The following ZNF395 variants were observed in gnomAD, a reference collection of about 807,000 sequenced individuals.
ZNF395 encodes zinc finger protein 395.
A neutral mutation model predicts 57.7 loss-of-function variants in ZNF395; 20 were observed. That is an observed-to-expected ratio of 0.35 (90% confidence interval 0.24 to 0.50). ZNF395 has a LOEUF of 0.50. Ranked by LOEUF, ZNF395 falls within the 20% of genes least tolerant of loss-of-function variation. ZNF395 has a pLI of 0.97. For missense variants in ZNF395, 606 were observed against 671.2 expected, an observed-to-expected ratio of 0.90 and a Z score of 1.07; for synonymous variants, 295 against 275.9, an observed-to-expected ratio of 1.07 and a Z score of -0.69.
intron 1 of ZNF395, among the ~76,000 whole-genome samples, chr8:28,369,751 G>A (rs1238972274): frequency 2.0e-5 from 3 of 152,252 alleles, no homozygotes; most frequent in African/African-American, 7.2e-5. Flanking sequence ...ACCCACCTGG[G>A]GAGGGACTCA....
chr8:28,355,076 T>C (rs1014132187), intron 4 of ZNF395, among the ~76,000 whole-genome samples: 2 of 152,098 alleles, frequency 1.3e-5, no homozygotes, highest in African/African-American at 4.8e-5. Flanking sequence ...TGTGACTCCA[T>C]CTTTGATCAT....
intron 1 of ZNF395, among the ~76,000 whole-genome samples, chr8:28,382,160 G>C (rs1802117109): frequency 6.6e-6 from 1 of 152,102 alleles, no homozygotes; most frequent in African/African-American, 2.4e-5. Context: ...GAAGCCCGGG[G>C]ACCACAAGCC....
At chr8:28,373,489 AC>A (rs3832543) in intron 1 of ZNF395, among the ~76,000 whole-genome samples, 4,954 of 152,242 alleles carry the variant, frequency 0.033, 223 homozygotes, top group African/African-American at 0.1. Context: ...CAAACGCCTC[AC>A]GCTTTGCTTG....
chr8:28,374,287 T>C (rs1383322886), intron 1 of ZNF395, among the ~76,000 whole-genome samples: 3 of 152,168 alleles, frequency 2.0e-5, no homozygotes, highest in African/African-American at 4.8e-5. Flanking sequence ...CCTATAGGTA[T>C]AGATGTGAGT....
At chr8:28,358,151 CTTTT>C (rs746800075) in intron 3 of ZNF395, among the ~76,000 whole-genome samples, 1 of 101,126 alleles carries the variant, frequency 9.9e-6, no homozygotes, top group Non-Finnish European at 2.0e-5. Context: ...TCTTTTTTTT[CTTTT>C]TTTTTTTTTT....
In ZNF395 at chr8:28,350,196, G is replaced by C. The variant is rs764160622; in HGVS notation, c.1234-40C>G. On this transcript the variant is annotated intron_variant, in intron 7 of 9. Transcript: ENST00000344423. ...GGTGTCAGCCCGGATTCTAGCTCAG[G>C]AAGTGTTCAGAGTCTGCCCACAATC... is the stretch of plus-strand genomic sequence containing the variant. 3 of 1,539,434 alleles carry C rather than the reference G, an allele frequency of 1.9e-6. No individual in the cohort carries two copies. In the South Asian group the frequency reaches 3.5e-5, roughly 18 times the overall value.
At position 28,349,194 on chromosome 8, in the gene ZNF395, TG is replaced by T; in HGVS notation, c.1360del (p.Gln454SerfsTer7). On this transcript the variant is annotated frameshift_variant, in exon 9 of 10. Coordinates refer to ENST00000344423, the MANE Select transcript of ZNF395 (RefSeq NM_018660.3). LOFTEE classifies it high-confidence loss of function. ...RSRSLSFSEPQQPAPAMKSHL... is the reference protein window; with the variant it reads ...RSRSLSFSEPXQPAPAMKSHL... ...AGATTTCATCGCAGGTGCTGGCTGC[TG>T]GGGCTCGCTGAAGCTTAGCGACCGG... The T allele has an allele frequency of 1.9e-6, 3 of 1,560,770 alleles. No homozygotes were observed. The highest frequency in any genetic ancestry group is 1.7e-6 in the Non-Finnish European group (2 of 1,153,582).
At chr8:28,385,730 G>A (rs900578035) in intron 1 of ZNF395, among the ~76,000 whole-genome samples, 12 of 148,642 alleles carry the variant, frequency 8.1e-5, no homozygotes, top group African/African-American at 2.9e-4. Flanking sequence ...TGCGAGGGGC[G>A]AGTCCCGACT....
At chr8:28,362,790 T>C (rs1801865885) in intron 1 of ZNF395, among the ~76,000 whole-genome samples, 1 of 152,152 alleles carries the variant, frequency 6.6e-6, no homozygotes, top group Non-Finnish European at 1.5e-5. Context: ...GGCAAAAGAA[T>C]TGTAAAGAAT....
chr8:28,372,010 T>C (rs1801982827), intron 1 of ZNF395, among the ~76,000 whole-genome samples: 1 of 151,848 alleles, frequency 6.6e-6, no homozygotes, highest in Non-Finnish European at 1.5e-5. Flanking sequence ...GCCACTGCAC[T>C]CTAGCCTGGG....
intron 1 of ZNF395, among the ~76,000 whole-genome samples, chr8:28,383,350 AG>A (rs1008730787): frequency 8.5e-5 from 13 of 152,164 alleles, no homozygotes; most frequent in African/African-American, 3.1e-4. Context: ...CTCTACTTGC[AG>A]GGTGCCAGGC....
intron 1 of ZNF395, among the ~76,000 whole-genome samples, chr8:28,372,475 T>G (rs576687315): frequency 6.6e-6 from 1 of 152,204 alleles, no homozygotes; most frequent in South Asian, 2.1e-4. Context: ...ACAAGGGCAG[T>G]GTAATAGATG....
chr8:28,373,056 G>A (rs1421318461), intron 1 of ZNF395, among the ~76,000 whole-genome samples: 1 of 152,220 alleles, frequency 6.6e-6, no homozygotes, highest in African/African-American at 2.4e-5. Context: ...GAAGGCAAAT[G>A]AAGTGCACAC....
chr8:28,377,530 C>T (rs1323613864), intron 1 of ZNF395, among the ~76,000 whole-genome samples: 2 of 152,082 alleles, frequency 1.3e-5, no homozygotes. Flanking sequence ...TATCGCTAAA[C>T]TGAAGAGCAA....
At chr8:28,351,192 C>G (rs143689151) in intron 7 of ZNF395, among the ~76,000 whole-genome samples, 2 of 152,324 alleles carry the variant, frequency 1.3e-5, no homozygotes, top group Non-Finnish European at 2.9e-5. Flanking sequence ...CCCAACTACA[C>G]GACTCCATCC....
intron 1 of ZNF395, among the ~76,000 whole-genome samples, chr8:28,368,747 G>T (rs1052489047): frequency 1.3e-5 from 2 of 151,894 alleles, no homozygotes; most frequent in African/African-American, 4.8e-5. Context: ...AACGCCCCAG[G>T]TGCCAATCCC....
chr8:28,384,692 T>C (rs568699604), intron 1 of ZNF395, among the ~76,000 whole-genome samples: 4 of 152,302 alleles, frequency 2.6e-5, no homozygotes, highest in African/African-American at 7.2e-5. Context: ...GCCCTACGGG[T>C]GAGTTACTCT....
intron 7 of ZNF395, 65 bp from the exon 8 acceptor site, chr8:28,350,221 C>T: frequency 7.4e-7 from 1 of 1,355,110 alleles, no homozygotes; most frequent in East Asian, 2.4e-5. Context: ...TGCCCACAAT[C>T]CCCACAGCCT....
rs1484591510 is a variant in ZNF395, at chr8:28,359,536, C to G, written c.473+56G>C. 11 of 1,537,534 alleles carry G rather than the reference C, an allele frequency of 7.2e-6. No individual in the cohort carries two copies. Among genetic ancestry groups the G allele is most frequent in the Non-Finnish European group, 7.9e-6 (9 of 1,140,410 alleles). Reference sequence around the variant, plus strand: ...TCCCCACCACAACACAGCCCACACCCTTACACCACACTACCCACGTGACTT... The same window carrying G: ...TCCCCACCACAACACAGCCCACACCGTTACACCACACTACCCACGTGACTT... On this transcript the variant is annotated intron_variant, in intron 3 of 9. Coordinates refer to ENST00000344423, the MANE Select transcript of ZNF395 (RefSeq NM_018660.3). The surrounding 1 kb of genome is among the most constrained non-coding windows in gnomAD (Gnocchi z 4.7).
Sources: gnomAD v4.1 joint callset for allele counts (sites outside exome capture counted in the v4.1 genomes callset) on GRCh38, gnomAD v4.1.1 for gene constraint, Gnocchi (gnomAD v3.1) non-coding constraint, MANE v1.5 for transcripts, NCBI Gene and HGNC (gene_info 2026-07-23, HGNC 2026-07-21) for gene names.